Variants in LVRN observed in about 807,000 individuals in gnomAD.
The protein encoded by LVRN is laeverin.
LVRN carries 99 observed loss-of-function variants against 111.4 expected under a neutral mutation model. The observed-to-expected ratio is 0.89, with a 90% CI of 0.76 to 1.05. The LOEUF is 1.05. Ranked by LOEUF, LVRN falls within the 50% of genes least tolerant of loss-of-function variation. The probability of loss-of-function intolerance (pLI) is 0.00; values close to 1 mark genes in which losing one functional copy is unlikely to be tolerated. For synonymous variants in LVRN, 488 were observed against 449.5 expected, an observed-to-expected ratio of 1.09 and a Z score of -1.08; for missense variants, 1,414 against 1,206.8, an observed-to-expected ratio of 1.17 and a Z score of -2.54.
chr5:116,017,912 G>A (rs1748635445), intron 18 of LVRN, among the ~76,000 whole-genome samples: 1 of 151,972 alleles, frequency 6.6e-6, no homozygotes. Context: ...ACATCCCTCA[G>A]CAGTATTAGA....
intron 1 of LVRN, among the ~76,000 whole-genome samples, chr5:115,976,495 T>G (rs950736986): frequency 6.6e-6 from 1 of 152,212 alleles, no homozygotes; most frequent in Non-Finnish European, 1.5e-5. Flanking sequence ...GGGCTTTATT[T>G]TTACTTTTTC....
At chr5:115,987,423 C>A (rs1424020738) in intron 3 of LVRN, among the ~76,000 whole-genome samples, 1 of 152,148 alleles carries the variant, frequency 6.6e-6, no homozygotes, top group East Asian at 1.9e-4. Context: ...ATAACCCCCA[C>A]TCACAGTGCA....
At chr5:116,008,221 G>T (rs1748417347) in intron 13 of LVRN, among the ~76,000 whole-genome samples, 1 of 152,160 alleles carries the variant, frequency 6.6e-6, no homozygotes, top group African/African-American at 2.4e-5. Context: ...GTGGGCACCT[G>T]TAATCCCAGC....
chr5:116,015,729 A>T lies in LVRN; in HGVS notation c.2720A>T (p.Asp907Val), dbSNP rs1415840502. 1 of 1,613,444 alleles carries T rather than the reference A, an allele frequency of 6.2e-7. No individual in the cohort carries two copies. Among genetic ancestry groups the T allele is most frequent in the Non-Finnish European group, 8.5e-7 (1 of 1,179,636 alleles). The change falls in exon 18 of 20, where the codon GAC (aspartate) becomes GTC (valine). Residue 907 changes from aspartate (D) to valine (V), a missense_variant. By Grantham distance (152) the Asp-to-Val change is radical. Transcript: ENST00000357872. ...GAAGTTGGCCGGTATGTCGCAAAAG[A>T]CTTCTTAGTCAACAACTGGCAAGCT... Reference protein sequence around the residue: ...SSEVGRYVAKDFLVNNWQAVS... With the variant: ...SSEVGRYVAKVFLVNNWQAVS...
chr5:115,972,469 TC>T (rs1753348122), intron 1 of LVRN, among the ~76,000 whole-genome samples: 1 of 151,796 alleles, frequency 6.6e-6, no homozygotes, highest in Non-Finnish European at 1.5e-5. Flanking sequence ...TCATTTAGCA[TC>T]TTTTTATTTA....
chr5:116,017,739 A>C (rs1037505926), intron 18 of LVRN, among the ~76,000 whole-genome samples: 1 of 152,210 alleles, frequency 6.6e-6, no homozygotes, highest in Non-Finnish European at 1.5e-5. Flanking sequence ...AGATAATTTA[A>C]TAATGTGCTA....
chr5:116,002,811 AT>A, intron 10 of LVRN, 23 bp from the exon 11 acceptor site: 1 of 1,541,130 alleles, frequency 6.5e-7, no homozygotes, highest in Non-Finnish European at 8.9e-7. Context: ...AAAGTAACTA[AT>A]TTTTTTATTT....
chr5:116,003,588 T>C (rs762987599), intron 12 of LVRN, among the ~76,000 whole-genome samples: 1 of 13,650 alleles, frequency 7.3e-5, no homozygotes, highest in Non-Finnish European at 1.5e-4. Flanking sequence ...GTTTTTTTTG[T>C]TTTTTTTTTT....
rs555862000 is a variant in LVRN, at chr5:115,993,716, CT to C, written c.1261-18del. On this transcript the variant is annotated intron_variant, in intron 5 of 19. Coordinates refer to ENST00000357872, the MANE Select transcript of LVRN (RefSeq NM_173800.5). ...CTTAAAAATTAAATTTAAGAAAGCT[CT>C]TTTTTTCTTCTCATTTCCAAAAGTG... 5.3e-4 allele frequency: 774 copies of C among 1,469,290 alleles called. 1 individual carries two copies. The African/African-American group carries it at 7.4e-3, about 14-fold the overall frequency. The allele number at this position is 1,469,290 out of a possible 1,614,324, so 91.0% of individuals were successfully genotyped here. A position where few individuals can be genotyped will look rare whatever the true frequency, so the allele number is the denominator to read the frequency against.
rs58911325 is a variant in LVRN at position 115,983,277 on chromosome 5, T to G, written c.696-10T>G. 2.6e-4 allele frequency: 408 copies of G among 1,554,272 alleles called. No individual in the cohort carries two copies. Among genetic ancestry groups the G allele is most frequent in the Non-Finnish European group, 3.5e-4 (400 of 1,157,732 alleles). ...AAAATAAATAAAAATTTCCCCAAAA[T>G]GTATTTCAGGGCCCTGTTAGCGTCC... On this transcript the variant is annotated splice_polypyrimidine_tract_variant and intron_variant, in intron 1 of 19. Transcript: ENST00000357872.
In LVRN at chr5:115,992,202, G is replaced by T. The variant is rs1748008882; in HGVS notation, c.1185G>T (p.Leu395Phe). The change falls in exon 5 of 20, where the codon TTG (leucine) becomes TTT (phenylalanine). Residue 395 changes from leucine to phenylalanine, a missense_variant. Coordinates refer to ENST00000357872, the MANE Select transcript of LVRN (RefSeq NM_173800.5). ...TGATATTTGATGAATCAGGATTGTT[G>T]TTGGAACCAAAAGATCAACTGACAG... ...GLMIFDESGLLLEPKDQLTEK... is the reference protein window; with the variant it reads ...GLMIFDESGLFLEPKDQLTEK... 1.2e-6 allele frequency: 2 copies of T among 1,613,822 alleles called. No individual in the cohort carries two copies. The highest frequency in any genetic ancestry group is 8.5e-7 in the Non-Finnish European group (1 of 1,179,880).
chr5:116,025,874 C>A, intron 19 of LVRN, 104 bp from the exon 20 acceptor site: 1 of 1,449,008 alleles, frequency 6.9e-7, no homozygotes. Context: ...TTCCAACCAT[C>A]ATCACCAATT....
At chr5:115,964,575 G>A (rs1753162930) in intron 1 of LVRN, among the ~76,000 whole-genome samples, 1 of 151,184 alleles carries the variant, frequency 6.6e-6, no homozygotes, top group African/African-American at 2.4e-5. Flanking sequence ...GGAAAAAATA[G>A]AAACACTTCA....
At position 116,001,084 on chromosome 5, in the gene LVRN, TAC is replaced by T; in HGVS notation, c.1667_1668del (p.Thr556SerfsTer40). 6.2e-7 allele frequency: 1 copy of T among 1,609,624 alleles called. No individual in the cohort carries two copies. The highest frequency in any genetic ancestry group is 8.5e-7 in the Non-Finnish European group (1 of 1,178,840). The part of the protein sequence containing the change: ...HFQMAIDDQS[T>X]VILPATIKNI... ...TAAAACAGGCCATAGATGACCAGAG[TAC>T]AGTTATTTTGCCAGCAACAATAAAA... On this transcript the variant is annotated frameshift_variant, in exon 10 of 20. Transcript: ENST00000357872. LOFTEE classifies it high-confidence loss of function.
intron 18 of LVRN, among the ~76,000 whole-genome samples, chr5:116,017,228 G>C (rs1423880634): frequency 6.6e-6 from 1 of 152,220 alleles, no homozygotes; most frequent in East Asian, 1.9e-4. Context: ...AGAGCTTAGA[G>C]CACTGGAGAG....
intron 1 of LVRN, among the ~76,000 whole-genome samples, chr5:115,981,689 T>C (rs959316824): frequency 4.6e-5 from 7 of 152,140 alleles, no homozygotes; most frequent in Non-Finnish European, 1.0e-4. Context: ...TTTCTAACTG[T>C]TTTTCTTTTG....
chr5:115,962,657 G>C lies in LVRN; in HGVS notation c.40G>C (p.Ala14Pro). 2 of 1,608,390 alleles carry C rather than the reference G, an allele frequency of 1.2e-6. No individual in the cohort carries two copies. The highest frequency in any genetic ancestry group is 1.7e-6 in the Non-Finnish European group (2 of 1,178,898). Residue 14 changes from alanine to proline, a missense_variant, in exon 1 of 20, where the codon GCA becomes CCA. By Grantham distance (27) the Ala-to-Pro change is conservative. Coordinates refer to ENST00000357872, the MANE Select transcript of LVRN (RefSeq NM_173800.5). ...PSSSGFYVSR[A>P]VALLLAGLVA... Reference sequence around the variant, plus strand: ...CAGCTCAGGCTTCTATGTGAGCCGCGCAGTGGCCCTGCTGCTGGCTGGGCT... The same window carrying C: ...CAGCTCAGGCTTCTATGTGAGCCGCCCAGTGGCCCTGCTGCTGGCTGGGCT...
chr5:116,005,209 G>A (rs867960817), intron 12 of LVRN, among the ~76,000 whole-genome samples: 8 of 152,288 alleles, frequency 5.3e-5, no homozygotes, highest in Admixed American at 1.3e-4. Context: ...TGACTTGCTC[G>A]GACCCTTAAA....
intron 1 of LVRN, among the ~76,000 whole-genome samples, chr5:115,983,083 G>A (rs55685183): frequency 3.0e-4 from 45 of 152,252 alleles, no homozygotes; most frequent in African/African-American, 1.1e-3. Flanking sequence ...AGTAAAGGGT[G>A]TGCTTGTATT....
Sources: gnomAD v4.1 joint callset for allele counts (sites outside exome capture counted in the v4.1 genomes callset) on GRCh38, gnomAD v4.1.1 for gene constraint, MANE v1.5 for transcripts, NCBI Gene and HGNC (gene_info 2026-07-23, HGNC 2026-07-21) for gene names.